The following NELL1 variants were observed in gnomAD, a reference collection of about 807,000 sequenced individuals.
NELL1 encodes the protein protein kinase C-binding protein NELL1.
Under a neutral mutation model 107.4 loss-of-function variants are expected in NELL1, and 76 were observed. The ratio of observed to expected loss-of-function variants is 0.71; its 90% CI spans 0.59 to 0.86. The LOEUF is 0.86. NELL1 is among the 40% of genes least tolerant of loss of function. NELL1 has a pLI of 0.00. For missense variants in NELL1, 1,024 were observed against 1,005.5 expected, an observed-to-expected ratio of 1.02 and a Z score of -0.25; for synonymous variants, 353 against 341.2, an observed-to-expected ratio of 1.03 and a Z score of -0.38.
chr11:21,444,661 A>C (rs75534621), intron 15 of NELL1, among the ~76,000 whole-genome samples: 1,773 of 152,252 alleles, frequency 0.012, 20 homozygotes, highest in Non-Finnish European at 0.017. Context: ...TCAGACATAC[A>C]ATGTGTGATA....
intron 14 of NELL1, among the ~76,000 whole-genome samples, chr11:21,238,270 C>A (rs532305999): frequency 6.6e-6 from 1 of 152,018 alleles, no homozygotes; most frequent in Non-Finnish European, 1.5e-5. Flanking sequence ...ACAACTATTT[C>A]TTTTCATTTC....
intron 12 of NELL1, among the ~76,000 whole-genome samples, chr11:21,004,180 G>A (rs943205654): frequency 2.0e-5 from 3 of 152,104 alleles, no homozygotes; most frequent in Non-Finnish European, 4.4e-5. Flanking sequence ...CTCCCTGGCT[G>A]TGCTGTGAGT....
rs114000636 is a variant in NELL1 at position 21,128,428 on chromosome 11, G to C, written c.1426+14714G>C. On this transcript the variant is annotated intron_variant, in intron 13 of 19. Coordinates refer to ENST00000357134, the MANE Select transcript of NELL1 (RefSeq NM_006157.5). ...TATAGGGAAAGTATTAAAGTATTAGGAGTTTCAAATAGCTGGGATGTTAGA... is the reference window on the plus strand; with the variant it reads ...TATAGGGAAAGTATTAAAGTATTAGCAGTTTCAAATAGCTGGGATGTTAGA... Among the ~76,000 whole-genome samples, 755 of 152,176 alleles carry C rather than the reference G, an allele frequency of 5.0e-3. 5 individuals carry two copies. Among genetic ancestry groups the C allele is most frequent in the African/African-American group, 0.017 (723 of 41,518 alleles).
At chr11:21,502,962 A>G (rs1344697260) in intron 15 of NELL1, among the ~76,000 whole-genome samples, 1 of 152,094 alleles carries the variant, frequency 6.6e-6, no homozygotes, top group Non-Finnish European at 1.5e-5. Context: ...GGCTCACCAC[A>G]ACTTCCGCCT....
At chr11:20,997,031 C>G (rs1258599173) in intron 12 of NELL1, among the ~76,000 whole-genome samples, 1 of 151,974 alleles carries the variant, frequency 6.6e-6, no homozygotes, top group Non-Finnish European at 1.5e-5. Context: ...TGCAAAAAAA[C>G]TTTATCCTAA....
At chr11:21,174,292 C>T (rs1256388856) in intron 13 of NELL1, among the ~76,000 whole-genome samples, 4 of 151,822 alleles carry the variant, frequency 2.6e-5, no homozygotes, top group Non-Finnish European at 5.9e-5. Context: ...TCCCTGCTTA[C>T]TAAATTCTAT....
At chr11:21,031,529 C>T (rs1325667240) in intron 12 of NELL1, among the ~76,000 whole-genome samples, 1 of 152,184 alleles carries the variant, frequency 6.6e-6, no homozygotes, top group African/African-American at 2.4e-5. Context: ...ACCACTCTGC[C>T]TGTTTCCCTT....
chr11:20,938,934 C>CTG (rs1287017379), intron 10 of NELL1, among the ~76,000 whole-genome samples: 2 of 42,510 alleles, frequency 4.7e-5, no homozygotes, highest in African/African-American at 1.0e-4. Context: ...CTCTCTCTCT[C>CTG]TCTCTCTGTG....
chr11:21,102,238 C>T (rs1024634647), intron 12 of NELL1, among the ~76,000 whole-genome samples: 3 of 152,178 alleles, frequency 2.0e-5, no homozygotes, highest in East Asian at 3.9e-4. Flanking sequence ...ATCCCTGTCC[C>T]ATGAAATTTT....
intron 5 of NELL1, among the ~76,000 whole-genome samples, chr11:20,902,482 A>G (rs1590397983): frequency 1.3e-5 from 2 of 152,228 alleles, no homozygotes; most frequent in Admixed American, 6.5e-5. Flanking sequence ...TGCTATGTGT[A>G]GGGGAAGTCA....
At chr11:20,786,939 T>C (rs926692278) in intron 3 of NELL1, among the ~76,000 whole-genome samples, 68 of 120,388 alleles carry the variant, frequency 5.6e-4, no homozygotes, top group Middle Eastern at 0.013. Flanking sequence ...ACCCGGGAGG[T>C]GGAGCTTGCC....
intron 12 of NELL1, among the ~76,000 whole-genome samples, chr11:20,980,222 A>T (rs547417997): frequency 1.3e-5 from 2 of 152,186 alleles, no homozygotes; most frequent in Non-Finnish European, 2.9e-5. Context: ...ACGTTTCCTG[A>T]ATCCCTCTTA....
intron 14 of NELL1, among the ~76,000 whole-genome samples, chr11:21,246,733 G>A (rs768188099): frequency 1.6e-4 from 25 of 152,094 alleles, no homozygotes; most frequent in Admixed American, 9.8e-4. Flanking sequence ...AGACATACCC[G>A]AGACTGGGTA....
chr11:21,133,069 G>A (rs1266334658), intron 13 of NELL1, among the ~76,000 whole-genome samples: 1 of 152,090 alleles, frequency 6.6e-6, no homozygotes, highest in African/African-American at 2.4e-5. Flanking sequence ...CGGAAGTGAG[G>A]ATAGATGGAA....
intron 10 of NELL1, among the ~76,000 whole-genome samples, chr11:20,940,926 G>C (rs11025823): frequency 6.6e-6 from 1 of 152,046 alleles, no homozygotes; most frequent in African/African-American, 2.4e-5. Flanking sequence ...ATCATCTGAG[G>C]TCAGGAGTTC....
At chr11:20,804,835 T>G (rs150244351) in intron 3 of NELL1, among the ~76,000 whole-genome samples, 1 of 152,324 alleles carries the variant, frequency 6.6e-6, no homozygotes, top group East Asian at 1.9e-4. Context: ...AATGTTTTCT[T>G]TGTTGATTTC....
chr11:20,928,406 C>T lies in NELL1; in HGVS notation c.924C>T (p.Ser308=), dbSNP rs8176795. The T allele has an allele frequency of 6.7e-3, 10,765 of 1,613,986 alleles. 559 individuals are homozygous for T. The African/African-American group carries it at 0.12, about 18-fold the overall frequency. ...KSGAVECRRM[S]CPPLNCSPDS... ...GTGCCGTGGAATGCCGAAGGATGTC[C>T]TGTCCCCCTCTCAATTGCTCCCCAG... The change falls in exon 9 of 20, where the codon TCC becomes TCT. Residue 308 remains serine, a synonymous_variant. Coordinates refer to ENST00000357134, the MANE Select transcript of NELL1 (RefSeq NM_006157.5).
chr11:20,866,073 A>G (rs1393392704), intron 4 of NELL1, among the ~76,000 whole-genome samples: 2 of 152,188 alleles, frequency 1.3e-5, no homozygotes, highest in Admixed American at 1.3e-4. Flanking sequence ...CCTTCAAGGA[A>G]GAAGACAAAG....
At chr11:21,065,755 G>T (rs1590602282) in intron 12 of NELL1, among the ~76,000 whole-genome samples, 2 of 152,248 alleles carry the variant, frequency 1.3e-5, no homozygotes, top group African/African-American at 4.8e-5. Context: ...GCAAAGAAAT[G>T]TCTTTTCTGT....
Sources: gnomAD v4.1 joint callset for allele counts (sites outside exome capture counted in the v4.1 genomes callset) on GRCh38, gnomAD v4.1.1 for gene constraint, MANE v1.5 for transcripts, NCBI Gene and HGNC (gene_info 2026-07-23, HGNC 2026-07-21) for gene names.